RPTOR: variants seen among roughly 807,000 people sequenced by gnomAD.
The protein encoded by RPTOR is regulatory-associated protein of mTOR.
RPTOR carries 21 observed loss-of-function variants against 169.9 expected under a neutral mutation model. That is an observed-to-expected ratio of 0.12 (90% CI 0.09 to 0.18). The LOEUF (loss-of-function observed/expected upper bound fraction) is 0.18. Among genes scored for constraint, RPTOR ranks in the 10% least tolerant of loss-of-function variants. RPTOR has a pLI of 1.00. For missense variants in RPTOR, 1,133 were observed against 1,855.9 expected (o/e 0.61, Z 7.16); for synonymous variants, 732 against 753.2 (o/e 0.97, Z 0.46).
chr17:80,856,389 G>A (rs140849273), intron 12 of RPTOR, among the ~76,000 whole-genome samples: 1 of 152,306 alleles, frequency 6.6e-6, no homozygotes. Flanking sequence ...GCTTGGGAGC[G>A]GTGCGGTGGG....
intron 25 of RPTOR, among the ~76,000 whole-genome samples, chr17:80,944,647 A>G (rs1225791250): frequency 6.6e-6 from 1 of 152,174 alleles, no homozygotes; most frequent in Non-Finnish European, 1.5e-5. Context: ...CAAGTCCCCA[A>G]GGTATTGACG....
At chr17:80,758,908 G>A (rs142268613) in intron 6 of RPTOR, among the ~76,000 whole-genome samples, 63 of 151,858 alleles carry the variant, frequency 4.1e-4, no homozygotes, top group Admixed American at 1.1e-3. Flanking sequence ...AAATGACATC[G>A]CTACCTTCCT....
At chr17:80,833,771 C>T (rs756483903) in intron 9 of RPTOR, among the ~76,000 whole-genome samples, 24 of 152,226 alleles carry the variant, frequency 1.6e-4, no homozygotes, top group Non-Finnish European at 2.8e-4. Flanking sequence ...AGGCAGATCA[C>T]CTGAGGTCAG....
chr17:80,571,892 T>A (rs1408555322), intron 1 of RPTOR, among the ~76,000 whole-genome samples: 1 of 152,224 alleles, frequency 6.6e-6, no homozygotes, highest in African/African-American at 2.4e-5. Context: ...GTGTGTTGCT[T>A]CTTTTCTCAG....
chr17:80,605,036 A>G (rs2065218826), intron 1 of RPTOR, among the ~76,000 whole-genome samples: 1 of 151,840 alleles, frequency 6.6e-6, no homozygotes, highest in African/African-American at 2.4e-5. Context: ...CTGGGATTAT[A>G]GGTGGGAGCC....
At position 80,661,416 on chromosome 17, in the gene RPTOR, G is replaced by T. The variant is rs949144932; in HGVS notation, c.348+17606G>T. On this transcript the variant is annotated intron_variant, in intron 3 of 33. Transcript: ENST00000306801. ...CTCTAGGTCTCAGCAGAGGAGTCGC[G>T]CGGGAGCCCCAGGACTCACTCTCCT... 1.9e-4 allele frequency among the ~76,000 whole-genome samples: 29 copies of T among 152,140 alleles called. 1 individual carries two copies. The highest frequency in any genetic ancestry group is 4.4e-5 in the Non-Finnish European group (3 of 68,026).
At position 80,923,879 on chromosome 17, in the gene RPTOR, G is replaced by C. The variant is rs573848247; in HGVS notation, c.2808+206G>C. On this transcript the variant is annotated intron_variant, in intron 23 of 33. Transcript: ENST00000306801. The stretch of plus-strand genomic sequence containing the variant: ...GCACCCCTCTGCCTGCACTCCTTAG[G>C]AGCACTGCTGGGTGTGTCCCGGTCC... 3 of 582,782 alleles carry C rather than the reference G, an allele frequency of 5.1e-6. No individual in the cohort carries two copies. The African/African-American group carries it at 6.1e-5, about 12-fold the overall frequency. The allele number at this position is 582,782 out of a possible 1,614,324, so 36.1% of individuals were successfully genotyped here.
Position 80,934,054 on chromosome 17 carries a change from A to C in RPTOR, c.2920-6442A>C, listed in dbSNP as rs576408960. On this transcript the variant is annotated intron_variant, in intron 24 of 33. Transcript: ENST00000306801. ...TCCATAAAACTCTAAAATTTAGATG[A>C]AATAGACAAATTCCTTGGAAGAGAT... Among the ~76,000 whole-genome samples, 43 of 151,434 alleles carry C rather than the reference A, an allele frequency of 2.8e-4. 1 individual carries two copies. In the South Asian group the frequency reaches 9.0e-3, roughly 32 times the overall value.
rs570803833 is a variant in RPTOR, at chr17:80,663,479, G to A, written c.348+19669G>A. 1.4e-3 allele frequency among the ~76,000 whole-genome samples: 212 copies of A among 152,266 alleles called. 1 individual carries two copies. The highest frequency in any genetic ancestry group is 4.4e-3 in the African/African-American group (182 of 41,528). On this transcript the variant is annotated intron_variant, in intron 3 of 33. Transcript: ENST00000306801. Reference sequence around the variant, plus strand: ...TCCAGCACTCTGGAGACATGGAAGCGTAGGCATCAGTGAGCTGGGAGGTAT... The same window carrying A: ...TCCAGCACTCTGGAGACATGGAAGCATAGGCATCAGTGAGCTGGGAGGTAT...
intron 1 of RPTOR, among the ~76,000 whole-genome samples, chr17:80,612,360 A>C (rs2065277672): frequency 6.6e-6 from 1 of 152,050 alleles, no homozygotes; most frequent in South Asian, 2.1e-4. Flanking sequence ...TGAACTTTTG[A>C]GCTCAACAGA....
intron 1 of RPTOR, among the ~76,000 whole-genome samples, chr17:80,561,762 C>T (rs940289836): frequency 6.6e-6 from 1 of 152,072 alleles, no homozygotes; most frequent in Non-Finnish European, 1.5e-5. Flanking sequence ...ATCCCTGTGG[C>T]TGCAGACTGG....
intron 11 of RPTOR, among the ~76,000 whole-genome samples, chr17:80,850,873 T>G (rs1046741101): frequency 2.0e-5 from 3 of 152,262 alleles, no homozygotes; most frequent in South Asian, 2.1e-4. Flanking sequence ...TCTTTTCTTA[T>G]GAAGCAGCTC....
chr17:80,696,008 G>A (rs573917574), intron 3 of RPTOR, among the ~76,000 whole-genome samples: 2 of 152,344 alleles, frequency 1.3e-5, no homozygotes, highest in East Asian at 3.9e-4. Context: ...CTGTTTCTGA[G>A]TGTGCGACTC....
Position 80,962,980 on chromosome 17 carries a change from A to G in RPTOR, c.3862A>G (p.Asn1288Asp). ...CTACAACAGCAGCGGAGAGCTCATCAACAACATCAAGTACTACGACGGCTT... is the reference window on the plus strand; with the variant it reads ...CTACAACAGCAGCGGAGAGCTCATCGACAACATCAAGTACTACGACGGCTT... ...AIYNSSGELI[N>D]NIKYYDGFMG... Residue 1288 changes from asparagine to aspartate, a missense_variant, in exon 33 of 34, where the codon AAC becomes GAC. Asn to Asp is a conservative substitution (Grantham distance 23, BLOSUM62 1). Coordinates refer to ENST00000306801, the MANE Select transcript of RPTOR (RefSeq NM_020761.3). 6.2e-7 allele frequency: 1 copy of G among 1,613,526 alleles called. No individual in the cohort carries two copies. Among genetic ancestry groups the G allele is most frequent in the Non-Finnish European group, 8.5e-7 (1 of 1,179,916 alleles).
intron 1 of RPTOR, among the ~76,000 whole-genome samples, chr17:80,548,993 T>C (rs2084312755): frequency 6.6e-6 from 1 of 152,208 alleles, no homozygotes; most frequent in African/African-American, 2.4e-5. Flanking sequence ...ATTCCTCAAA[T>C]TGACATCTTT....
chr17:80,587,966 C>T (rs1332209953), intron 1 of RPTOR, among the ~76,000 whole-genome samples: 2 of 152,148 alleles, frequency 1.3e-5, no homozygotes, highest in African/African-American at 2.4e-5. Context: ...CACCATTCTA[C>T]TCTGCTTCTG....
intron 1 of RPTOR, among the ~76,000 whole-genome samples, chr17:80,605,724 C>T (rs537694245): frequency 3.3e-5 from 5 of 152,304 alleles, no homozygotes; most frequent in African/African-American, 9.6e-5. Flanking sequence ...AAGCACCCAG[C>T]ACAGTGCCTG....
intron 4 of RPTOR, among the ~76,000 whole-genome samples, chr17:80,717,707 A>AT (rs1467707977): frequency 1.3e-5 from 2 of 152,244 alleles, no homozygotes; most frequent in African/African-American, 2.4e-5. Flanking sequence ...ACATTTAAAC[A>AT]TGCTAGTTTT....
chr17:80,823,322 C>T lies in RPTOR; in HGVS notation c.1136+99C>T, dbSNP rs575093178. On this transcript the variant is annotated intron_variant, in intron 9 of 33. Coordinates refer to ENST00000306801, the MANE Select transcript of RPTOR (RefSeq NM_020761.3). The surrounding 1 kb of genome is among the most constrained non-coding windows in gnomAD (Gnocchi z 4.5). The stretch of plus-strand genomic sequence containing the variant: ...GGAGCTGGGCAGGGAGGCCCCACAC[C>T]TAACTTGGGGACCCCGTGTAGCATT... The T allele has an allele frequency of 4.1e-6, 6 of 1,472,984 alleles. No individual in the cohort carries two copies. In the South Asian group the frequency reaches 6.4e-5, roughly 16 times the overall value. The allele number at this position is 1,472,984 out of a possible 1,614,324, so 91.2% of individuals were successfully genotyped here.
Sources: allele counts gnomAD v4.1 joint callset (sites outside exome capture counted in the v4.1 genomes callset), GRCh38; gene constraint gnomAD v4.1.1; non-coding constraint Gnocchi (gnomAD v3.1); transcripts MANE v1.5; gene names NCBI Gene and HGNC (gene_info 2026-07-23, HGNC 2026-07-21).